The following C5 variants were observed in gnomAD, a reference collection of about 807,000 sequenced individuals.
The protein encoded by C5 is complement C5, also known as C3 and PZP-like alpha-2-macroglobulin domain-containing protein 4.
C5 carries 140 observed loss-of-function variants against 218.8 expected under a neutral mutation model. The observed-to-expected ratio is 0.64, with a 90% CI of 0.56 to 0.74. The LOEUF (loss-of-function observed/expected upper bound fraction) is 0.74, where lower values mean the gene tolerates loss of function less well. C5 is among the 30% of genes least tolerant of loss of function. The pLI, the probability that C5 is intolerant of heterozygous loss-of-function variation, is 0.00. For missense variants in C5, 1,700 were observed against 1,969.6 expected, an observed-to-expected ratio of 0.86 and a Z score of 2.59; for synonymous variants, 614 against 682.3, an observed-to-expected ratio of 0.90 and a Z score of 1.56.
intron 20 of C5, 38 bp from the exon 21 acceptor site, chr9:120,997,812 T>C (rs756789499): frequency 6.3e-7 from 1 of 1,581,210 alleles, no homozygotes; most frequent in East Asian, 2.2e-5. Context: ...AAATACATTT[T>C]TTTTTTTTGA....
chr9:121,051,585 T>C (rs1041016313), upstream of C5, among the ~76,000 whole-genome samples: 5 of 152,210 alleles, frequency 3.3e-5, no homozygotes, highest in African/African-American at 1.2e-4. Context: ...TAATGAGATA[T>C]TTATGATATA....
chr9:120,957,003 G>A (rs910047356), intron 39 of C5: 9 of 359,356 alleles, frequency 2.5e-5, no homozygotes, highest in Middle Eastern at 9.4e-4. Flanking sequence ...ATTTGCACAC[G>A]TATCCCCTGA....
At chr9:120,982,570 T>G in intron 26 of C5, 85 bp downstream of exon 26, 1 of 1,104,356 alleles carries the variant, frequency 9.1e-7, no homozygotes, top group East Asian at 2.4e-5. Flanking sequence ...TTTTTTCTTC[T>G]TCTTCTTCAT....
intron 20 of C5, among the ~76,000 whole-genome samples, chr9:121,003,753 TA>T (rs2047191541): frequency 6.6e-6 from 1 of 152,196 alleles, no homozygotes; most frequent in Non-Finnish European, 1.5e-5. Context: ...CCTACCTCTA[TA>T]AAAATGAAAA....
chr9:121,000,244 C>A (rs2047150384), intron 20 of C5, among the ~76,000 whole-genome samples: 2 of 152,090 alleles, frequency 1.3e-5, no homozygotes, highest in Admixed American at 6.5e-5. Flanking sequence ...TATATTAATT[C>A]ATAAATTCAG....
At chr9:120,967,116 C>T (rs1271241683) in intron 33 of C5, among the ~76,000 whole-genome samples, 1 of 151,862 alleles carries the variant, frequency 6.6e-6, no homozygotes, top group Non-Finnish European at 1.5e-5. Context: ...AAAAATTAGC[C>T]AGGCATGGTG....
chr9:121,066,468 G>A, the C5 span, among the ~76,000 whole-genome samples: 1 of 151,924 alleles, frequency 6.6e-6, no homozygotes, highest in Non-Finnish European at 1.5e-5. Flanking sequence ...ACAACTTTAA[G>A]TGAGCAAAGA....
At chr9:121,002,134 ATATATGTATG>A (rs1231405224) in intron 20 of C5, among the ~76,000 whole-genome samples, 58 of 148,792 alleles carry the variant, frequency 3.9e-4, no homozygotes, top group African/African-American at 1.3e-3. Context: ...GTATATATAT[ATATATGTATG>A]TATATATGTA....
intron 38 of C5, 102 bp from the exon 39 acceptor site, chr9:120,957,470 C>A: frequency 1.2e-6 from 1 of 839,784 alleles, no homozygotes; most frequent in East Asian, 2.5e-5. Context: ...TGAAGCATGG[C>A]AAACTATTAT....
Position 120,962,720 on chromosome 9 carries a change from A to C in C5, c.4455T>G (p.Val1485=). The C allele has an allele frequency of 6.2e-7, 1 of 1,614,138 alleles. No individual in the cohort carries two copies. Among genetic ancestry groups the C allele is most frequent in the Non-Finnish European group, 8.5e-7 (1 of 1,179,990 alleles). The part of the protein sequence containing the change: ...VRFRIFELFE[V]GFLSPATFTV... ...TGAAAGTGGCAGGACTGAGAAACCC[A>C]ACTTCAAAGAGTTCAAATATCCGGA... is the stretch of plus-strand genomic sequence containing the variant. Residue 1485 remains valine, a synonymous_variant, in exon 36 of 41, where the codon GTT becomes GTG. Transcript: ENST00000223642.
chr9:120,976,903 T>C lies in C5; in HGVS notation c.3661A>G (p.Asn1221Asp). 1 of 1,612,296 alleles carries C rather than the reference T, an allele frequency of 6.2e-7. No homozygotes were observed. Among genetic ancestry groups the C allele is most frequent in the South Asian group, 1.1e-5 (1 of 91,030 alleles). Residue 1221 changes from asparagine (N) to aspartate (D), a missense_variant and splice_region_variant, in exon 29 of 41, where the codon AAT (asparagine) becomes GAT (aspartate). By Grantham distance (23) the Asn-to-Asp change is conservative. Coordinates refer to ENST00000223642, the MANE Select transcript of C5 (RefSeq NM_001735.3). ...TTCCAAAAACGATAAATGGGTGGAT[T>C]ACCTGAACATCAACAAATTCCATTC... ...ALKREALVKG[N>D]PPIYRFWKDN...
chr9:121,049,592 A>C (rs2047656136), intron 1 of C5, among the ~76,000 whole-genome samples: 1 of 152,166 alleles, frequency 6.6e-6, no homozygotes, highest in African/African-American at 2.4e-5. Context: ...CCTTATCTGG[A>C]CTTATTCTCA....
At chr9:121,061,085 G>T in the C5 span, among the ~76,000 whole-genome samples, 1,428 of 152,306 alleles carry the variant, frequency 9.4e-3, 26 homozygotes, top group African/African-American at 0.032. Flanking sequence ...CTACTCAGGA[G>T]GCTGAGGCAG....
chr9:120,968,958 G>C (rs536433511), intron 33 of C5, 103 bp downstream of exon 33: 2 of 922,730 alleles, frequency 2.2e-6, no homozygotes, highest in African/African-American at 1.6e-5. Flanking sequence ...GAACAATTTT[G>C]TATCTTCTGG....
intron 9 of C5, among the ~76,000 whole-genome samples, chr9:121,024,487 C>G (rs969608154): frequency 2.6e-5 from 4 of 152,018 alleles, no homozygotes; most frequent in African/African-American, 9.7e-5. Flanking sequence ...TCCCAAACTC[C>G]TTTCCAATAT....
intron 25 of C5, among the ~76,000 whole-genome samples, chr9:120,988,068 G>A (rs2047047641): frequency 6.6e-6 from 1 of 152,196 alleles, no homozygotes; most frequent in South Asian, 2.1e-4. Flanking sequence ...TGGGATTACA[G>A]GCGTGAGCCA....
intron 1 of C5, among the ~76,000 whole-genome samples, chr9:121,046,694 G>A (rs556819972): frequency 6.6e-6 from 1 of 152,258 alleles, no homozygotes; most frequent in East Asian, 1.9e-4. Context: ...ACATGTAAAT[G>A]GGGTCAATAT....
chr9:121,032,831 C>G (rs1477742365), intron 5 of C5, among the ~76,000 whole-genome samples: 6 of 152,108 alleles, frequency 3.9e-5, no homozygotes, highest in African/African-American at 1.4e-4. Flanking sequence ...GAAACCCCAT[C>G]TCTACAAAAA....
the C5 span, among the ~76,000 whole-genome samples, chr9:121,067,305 G>C: frequency 6.6e-6 from 1 of 151,742 alleles, no homozygotes. Context: ...GCTCACGCCT[G>C]TAATTCCCAC....
Sources: gnomAD v4.1 joint callset for allele counts (sites outside exome capture counted in the v4.1 genomes callset) on GRCh38, gnomAD v4.1.1 for gene constraint, MANE v1.5 for transcripts, NCBI Gene and HGNC (gene_info 2026-07-23, HGNC 2026-07-21) for gene names.